ZPBP: variants seen among roughly 807,000 people sequenced by gnomAD.
ZPBP encodes the protein zona pellucida binding protein, also known as zona pellucida-binding protein 1.
A neutral mutation model predicts 44.8 loss-of-function variants in ZPBP; 26 were observed. That is an observed-to-expected ratio of 0.58 (90% confidence interval 0.43 to 0.81). The LOEUF (loss-of-function observed/expected upper bound fraction) is 0.81. Ranked by LOEUF, ZPBP falls within the 30% of genes least tolerant of loss-of-function variation. The probability of loss-of-function intolerance (pLI) is 0.00; values close to 1 mark genes in which losing one functional copy is unlikely to be tolerated. For synonymous variants in ZPBP, 174 were observed against 153.2 expected (o/e 1.14, Z -1.00); for missense variants, 409 against 434.0 (o/e 0.94, Z 0.51).
At chr7:49,986,685 C>T (rs1054793831) in intron 6 of ZPBP, among the ~76,000 whole-genome samples, 2 of 151,904 alleles carry the variant, frequency 1.3e-5, no homozygotes, top group Non-Finnish European at 2.9e-5. Flanking sequence ...ATGCAAAAGG[C>T]TTTTTTCCTT....
intron 2 of ZPBP, among the ~76,000 whole-genome samples, chr7:50,085,937 C>A (rs77407008): frequency 0.03 from 4,586 of 152,158 alleles, 87 homozygotes; most frequent in Middle Eastern, 0.061. Context: ...TAAGTTCTCT[C>A]TTTTGGCTGA....
At chr7:49,967,174 G>C (rs1796097375) in intron 7 of ZPBP, among the ~76,000 whole-genome samples, 1 of 152,156 alleles carries the variant, frequency 6.6e-6, no homozygotes, top group Non-Finnish European at 1.5e-5. Flanking sequence ...AGCTTCTCCA[G>C]GTCCAGTGGG....
intron 6 of ZPBP, 26 bp from the exon 7 acceptor site, chr7:49,983,545 A>G (rs763901698): frequency 7.1e-7 from 1 of 1,407,166 alleles, no homozygotes. Context: ...AATTTGATAA[A>G]CTGTTAGCCA....
At chr7:49,844,552 T>C in the ZPBP span, among the ~76,000 whole-genome samples, 6 of 152,176 alleles carry the variant, frequency 3.9e-5, no homozygotes, top group African/African-American at 1.2e-4. Flanking sequence ...GGCCATAAAA[T>C]TGTAGCAAAC....
At chr7:49,853,999 A>G (rs2128717654) in intron 2 of ZPBP, among the ~76,000 whole-genome samples, 1 of 152,024 alleles carries the variant, frequency 6.6e-6, no homozygotes, top group South Asian at 2.1e-4. Context: ...TTTGCTGAGA[A>G]TGATGGTTTC....
intron 3 of ZPBP, among the ~76,000 whole-genome samples, chr7:50,064,485 A>T (rs1801403680): frequency 6.6e-6 from 1 of 152,098 alleles, no homozygotes; most frequent in South Asian, 2.1e-4. Flanking sequence ...ACTATGGGAG[A>T]CTGGAGTTTA....
intron 6 of ZPBP, among the ~76,000 whole-genome samples, chr7:49,994,886 T>C (rs898295703): frequency 2.2e-4 from 33 of 152,170 alleles, no homozygotes; most frequent in African/African-American, 5.8e-4. Context: ...CAGGTGACTA[T>C]GTAAATGTGC....
At chr7:50,090,603 G>T (rs1248533056) in intron 1 of ZPBP, among the ~76,000 whole-genome samples, 1 of 62,670 alleles carries the variant, frequency 1.6e-5, no homozygotes, top group Non-Finnish European at 3.4e-5. Context: ...GCGTATATAT[G>T]CGTATATATG....
chr7:49,891,130 A>G (rs1792108861), intron 2 of ZPBP, among the ~76,000 whole-genome samples: 1 of 152,240 alleles, frequency 6.6e-6, no homozygotes, highest in South Asian at 2.1e-4. Flanking sequence ...GGACACTTTA[A>G]CTGCAGGATG....
intron 2 of ZPBP, among the ~76,000 whole-genome samples, chr7:49,883,382 T>G (rs1226106524): frequency 6.6e-6 from 1 of 152,058 alleles, no homozygotes; most frequent in African/African-American, 2.4e-5. Context: ...GAAATAAATG[T>G]ACTAAAAAAA....
rs112017427 is a variant in ZPBP, at chr7:49,853,298, G to A, written n.510-2784C>T. ...TAGTCTCCCTTAGGAACCTGTGGCC[G>A]GCCCCCAGCACTTGCCCATGGGGGC... On this transcript the variant is annotated intron_variant and non_coding_transcript_variant, in intron 2 of 2. Coordinates refer to the ZPBP transcript ENST00000465922. Among the ~76,000 whole-genome samples the A allele has an allele frequency of 1.8e-3, 272 of 152,310 alleles. 3 individuals are homozygous for A. The highest frequency in any genetic ancestry group is 6.1e-3 in the African/African-American group (253 of 41,566).
intron 2 of ZPBP, among the ~76,000 whole-genome samples, chr7:49,862,795 A>G (rs1790710962): frequency 6.6e-6 from 1 of 151,408 alleles, no homozygotes; most frequent in African/African-American, 2.4e-5. Flanking sequence ...AGGTTGAATC[A>G]CCCTTACATT....
intron 7 of ZPBP, among the ~76,000 whole-genome samples, chr7:49,973,585 A>C (rs1796385036): frequency 6.6e-6 from 1 of 152,132 alleles, no homozygotes; most frequent in African/African-American, 2.4e-5. Context: ...AACACATGAA[A>C]AGATGCTCAA....
intron 6 of ZPBP, among the ~76,000 whole-genome samples, chr7:50,010,906 A>C (rs1349600475): frequency 2.3e-4 from 29 of 125,654 alleles, no homozygotes; most frequent in Non-Finnish European, 3.5e-4. Flanking sequence ...AGCAAGACCA[A>C]GCAAAAAAAA....
intron 1 of ZPBP, chr7:49,916,431 T>C (rs925310345): frequency 2.0e-5 from 3 of 152,208 alleles, no homozygotes; most frequent in Non-Finnish European, 4.4e-5. Context: ...CCAGTTCAAG[T>C]GCCATTGCTG....
In ZPBP at chr7:49,854,979, T is replaced by A. The variant is rs143359908; in HGVS notation, n.510-4465A>T. ...ACAAATATGGCTTTTGTCATAAGAG[T>A]AGTGCCAAGCTTCCTGAAAATGCAA... On this transcript the variant is annotated intron_variant and non_coding_transcript_variant, in intron 2 of 2. Transcript: ENST00000465922. Among the ~76,000 whole-genome samples the A allele has an allele frequency of 5.5e-3, 830 of 152,210 alleles. 6 individuals are homozygous for A. Among genetic ancestry groups the A allele is most frequent in the African/African-American group, 0.018 (763 of 41,538 alleles).
intron 1 of ZPBP, among the ~76,000 whole-genome samples, chr7:49,928,604 G>A (rs556679700): frequency 2.8e-4 from 42 of 152,288 alleles, no homozygotes; most frequent in African/African-American, 9.6e-4. Flanking sequence ...CTTCCCATGA[G>A]GTCACAGGTG....
chr7:50,079,195 T>C (rs1055974732), intron 3 of ZPBP, among the ~76,000 whole-genome samples: 2 of 151,594 alleles, frequency 1.3e-5, no homozygotes, highest in African/African-American at 4.8e-5. Context: ...AAATGGTGTG[T>C]TCCTACCTCA....
At position 49,924,521 on chromosome 7, in the gene ZPBP, T is replaced by C. The variant is rs1794153765; in HGVS notation, n.411+11230A>G. 2.6e-5 allele frequency among the ~76,000 whole-genome samples: 4 copies of C among 152,300 alleles called. No homozygotes were observed. In the South Asian group the frequency reaches 8.3e-4, roughly 32 times the overall value. On this transcript the variant is annotated intron_variant and non_coding_transcript_variant, in intron 1 of 2. Transcript: ENST00000465922. ...TATCAATAAATAAAATGTCTCCATA[T>C]GTTGCAAATTAAGAAACAAAATTCC...
Sources: allele counts gnomAD v4.1 joint callset (sites outside exome capture counted in the v4.1 genomes callset), GRCh38; gene constraint gnomAD v4.1.1; transcripts MANE v1.5; gene names NCBI Gene and HGNC (gene_info 2026-07-23, HGNC 2026-07-21).